The following CCDC83 variants were observed in gnomAD, a reference collection of about 807,000 sequenced individuals.
The protein encoded by CCDC83 is coiled-coil domain containing 83, also known as coiled-coil domain-containing protein 83.
CCDC83 carries 54 observed loss-of-function variants against 50.1 expected under a neutral mutation model. The ratio of observed to expected loss-of-function variants is 1.08; its 90% CI spans 0.87 to 1.35. CCDC83 has a LOEUF of 1.35. CCDC83 is among the 40% of genes most tolerant of loss of function. The probability of loss-of-function intolerance (pLI) is 0.00; values close to 1 mark genes in which losing one functional copy is unlikely to be tolerated. For missense variants in CCDC83, 518 were observed against 473.9 expected (o/e 1.09, Z -0.86); for synonymous variants, 161 against 153.3 (o/e 1.05, Z -0.37).
intron 10 of CCDC83, among the ~76,000 whole-genome samples, chr11:85,916,901 G>A (rs190000714): frequency 6.6e-5 from 10 of 151,932 alleles, no homozygotes; most frequent in South Asian, 2.1e-4. Context: ...ACCTGAGATC[G>A]GAAATTTGAG....
chr11:85,915,989 A>G (rs1217553686), intron 9 of CCDC83, 39 bp from the exon 10 acceptor site: 1 of 1,367,512 alleles, frequency 7.3e-7, no homozygotes, highest in Non-Finnish European at 1.0e-6. Context: ...GTATATGTTC[A>G]AAATGTATAC....
At chr11:85,909,760 T>C (rs896325051) in intron 7 of CCDC83, among the ~76,000 whole-genome samples, 3 of 151,792 alleles carry the variant, frequency 2.0e-5, no homozygotes, top group African/African-American at 7.3e-5. Flanking sequence ...CAAAATACAC[T>C]TCTTAAAAAC....
rs2093485705 is a variant in CCDC83 at position 85,917,227 on chromosome 11, AAAG to A, written c.1080+997_1080+999del. On this transcript the variant is annotated intron_variant, in intron 10 of 10. Transcript: ENST00000342404. ...GAAAGAAGGAAAGAAAGAAAGAAAG[AAAG>A]AAAAGAAAGAAAGAGGGAAGGAGGA... Among the ~76,000 whole-genome samples, 2 of 150,128 alleles carry A rather than the reference AAAG, an allele frequency of 1.3e-5. 1 individual carries two copies. Among genetic ancestry groups the A allele is most frequent in the South Asian group, 4.2e-4 (2 of 4,748 alleles).
At chr11:85,871,228 C>T (rs2093235557) in intron 2 of CCDC83, among the ~76,000 whole-genome samples, 1 of 152,120 alleles carries the variant, frequency 6.6e-6, no homozygotes. Flanking sequence ...GGGCACCTTT[C>T]AGCTCTTTAA....
chr11:85,897,592 T>C (rs1292600757), intron 6 of CCDC83, among the ~76,000 whole-genome samples: 1 of 152,158 alleles, frequency 6.6e-6, no homozygotes, highest in African/African-American at 2.4e-5. Flanking sequence ...TGTGGGCTTC[T>C]GGATTTTTCA....
Position 85,911,344 on chromosome 11 carries a change from A to T in CCDC83, c.736A>T (p.Asn246Tyr). 1 of 1,611,698 alleles carries T rather than the reference A, an allele frequency of 6.2e-7. No homozygotes were observed. The highest frequency in any genetic ancestry group is 1.1e-5 in the South Asian group (1 of 90,402). Reference protein sequence around the residue: ...KNAIHELEAENLVLIDQLSNC... With the variant: ...KNAIHELEAEYLVLIDQLSNC... ...TGCTATTCATGAACTGGAAGCAGAA[A>T]ATTTGGTGCTTATTGATCAACTATC... The change falls in exon 8 of 11, where the codon AAT (asparagine) becomes TAT (tyrosine). Residue 246 changes from asparagine to tyrosine, a missense_variant. Physicochemically the swap from Asn to Tyr is moderately radical, Grantham distance 143. Coordinates refer to ENST00000342404, the MANE Select transcript of CCDC83 (RefSeq NM_001286159.2).
At position 85,915,496 on chromosome 11, in the gene CCDC83, T is replaced by C. The variant is rs752809728; in HGVS notation, c.872T>C (p.Ile291Thr). ...TCTTTGGAATTGCCAGAAACACATA[T>C]AGGTATTACTTTATTGCAATAATGA... The part of the protein sequence containing the change: ...EMSLELPETH[I>T]EEKSELQPTE... Residue 291 changes from isoleucine (I) to threonine (T), a missense_variant and splice_region_variant, in exon 9 of 11, where the codon ATA becomes ACA. Physicochemically the swap from Ile to Thr is moderately conservative, Grantham distance 89 (BLOSUM62 -1). Coordinates refer to ENST00000342404, the MANE Select transcript of CCDC83 (RefSeq NM_001286159.2). 13 of 1,591,864 alleles carry C rather than the reference T, an allele frequency of 8.2e-6. No homozygotes were observed. The highest frequency in any genetic ancestry group is 1.8e-5 in the Admixed American group (1 of 56,526).
At chr11:85,869,782 C>T (rs1033530830) in intron 2 of CCDC83, among the ~76,000 whole-genome samples, 21 of 152,220 alleles carry the variant, frequency 1.4e-4, no homozygotes, top group Non-Finnish European at 2.9e-5. Flanking sequence ...AACAATGATG[C>T]TTGAAGTCCC....
intron 3 of CCDC83, among the ~76,000 whole-genome samples, chr11:85,877,144 A>C (rs1182038553): frequency 6.6e-6 from 1 of 152,226 alleles, no homozygotes; most frequent in East Asian, 1.9e-4. Context: ...AGATGATATT[A>C]AATTTATATA....
intron 3 of CCDC83, among the ~76,000 whole-genome samples, chr11:85,874,094 T>C (rs2093255764): frequency 6.6e-6 from 1 of 152,222 alleles, no homozygotes. Context: ...TGAGCCTCAA[T>C]TTCACTCTTG....
In CCDC83 at chr11:85,911,373, C is replaced by G; in HGVS notation, c.765C>G (p.Asn255Lys). The G allele has an allele frequency of 6.2e-7, 1 of 1,609,848 alleles. No homozygotes were observed. Among genetic ancestry groups the G allele is most frequent in the East Asian group, 2.2e-5 (1 of 44,720 alleles). Residue 255 changes from asparagine to lysine, a missense_variant, in exon 8 of 11, where the codon AAC (asparagine) becomes AAG (lysine). By Grantham distance (94) the Asn-to-Lys change is moderately conservative. Coordinates refer to ENST00000342404, the MANE Select transcript of CCDC83 (RefSeq NM_001286159.2). ...ENLVLIDQLS[N>K]CRLVDLKIPR... ...TGGTGCTTATTGATCAACTATCCAA[C>G]TGTAGACTTGTGGATCTCAAGATAC...
chr11:85,890,572 T>G (rs924222019), intron 5 of CCDC83, among the ~76,000 whole-genome samples: 4 of 152,102 alleles, frequency 2.6e-5, no homozygotes, highest in Non-Finnish European at 4.4e-5. Context: ...AAGCTTGTCC[T>G]CCAAAGAACC....
chr11:85,861,085 A>C (rs2093173602), intron 1 of CCDC83, among the ~76,000 whole-genome samples: 1 of 152,260 alleles, frequency 6.6e-6, no homozygotes, highest in Non-Finnish European at 1.5e-5. Context: ...AGATGAATTT[A>C]AATATTAAAG....
chr11:85,892,745 C>A (rs2093356109), intron 5 of CCDC83, among the ~76,000 whole-genome samples: 1 of 152,088 alleles, frequency 6.6e-6, no homozygotes, highest in African/African-American at 2.4e-5. Context: ...AAATAACCAA[C>A]ATTAAGCTGA....
At chr11:85,901,171 A>C (rs2093399898) in intron 7 of CCDC83, among the ~76,000 whole-genome samples, 1 of 152,166 alleles carries the variant, frequency 6.6e-6, no homozygotes, top group Admixed American at 6.6e-5. Context: ...GTTTGAGACC[A>C]GCCTAGGCAA....
intron 10 of CCDC83, 73 bp from the exon 11 acceptor site, chr11:85,919,276 G>A (rs1305595640): frequency 2.9e-6 from 4 of 1,393,434 alleles, no homozygotes; most frequent in Non-Finnish European, 3.9e-6. Flanking sequence ...CTGTAATAAA[G>A]AAAGCCTAAT....
intron 8 of CCDC83, among the ~76,000 whole-genome samples, chr11:85,912,057 A>G (rs1429446193): frequency 1.3e-5 from 2 of 152,206 alleles, no homozygotes; most frequent in East Asian, 3.8e-4. Context: ...CTCATAATTT[A>G]GACAAGTAGT....
At chr11:85,874,890 C>G (rs922418197) in intron 3 of CCDC83, among the ~76,000 whole-genome samples, 1 of 152,168 alleles carries the variant, frequency 6.6e-6, no homozygotes, top group African/African-American at 2.4e-5. Flanking sequence ...AAATCTGACC[C>G]CTGTTCACCT....
chr11:85,909,250 G>A (rs1472915840), intron 7 of CCDC83, among the ~76,000 whole-genome samples: 1 of 152,146 alleles, frequency 6.6e-6, no homozygotes. Context: ...AGCAGAAAAT[G>A]TTATCATCTC....
Sources: allele counts gnomAD v4.1 joint callset (sites outside exome capture counted in the v4.1 genomes callset), GRCh38; gene constraint gnomAD v4.1.1; transcripts MANE v1.5; gene names NCBI Gene and HGNC (gene_info 2026-07-23, HGNC 2026-07-21).